STXBP5: variants seen among roughly 807,000 people sequenced by gnomAD.
STXBP5 encodes syntaxin binding protein 5, also known as syntaxin-binding protein 5.
Under a neutral mutation model 152.4 loss-of-function variants are expected in STXBP5, and 50 were observed. That is an observed-to-expected ratio of 0.33 (90% CI 0.26 to 0.42). The LOEUF is 0.42. STXBP5 is among the 10% of genes least tolerant of loss of function. The probability of loss-of-function intolerance (pLI) is 1.00; values close to 1 mark genes in which losing one functional copy is unlikely to be tolerated. For missense variants in STXBP5, 1,167 were observed against 1,388.6 expected (o/e 0.84, Z 2.54); for synonymous variants, 492 against 494.7 (o/e 0.99, Z 0.07).
rs548346749 is a variant in STXBP5 at position 147,204,574 on chromosome 6, C to T, written c.42C>T (p.Thr14=). The T allele has an allele frequency of 2.5e-6, 4 of 1,610,202 alleles. No homozygotes were observed. The highest frequency in any genetic ancestry group is 2.7e-5 in the African/African-American group (2 of 74,706). ...TCAGGAAGGTGCTGGACGGCCTGAC[C>T]GCCGGCTCGTCCTCGGCGTCGCAGC... ...FNIRKVLDGL[T]AGSSSASQQQ... Residue 14 remains threonine (T), a synonymous_variant, in exon 1 of 28, where the codon ACC becomes ACT. Coordinates refer to ENST00000321680, the MANE Select transcript of STXBP5 (RefSeq NM_001127715.4). This position sits in a 1 kb window ranked among gnomAD's most constrained non-coding sequence, Gnocchi z 4.3.
chr6:147,232,554 A>C (rs1159210092), intron 2 of STXBP5, among the ~76,000 whole-genome samples: 2 of 151,826 alleles, frequency 1.3e-5, no homozygotes, highest in African/African-American at 4.8e-5. Flanking sequence ...GCAGCTGTAT[A>C]ATAATACTGC....
chr6:147,341,554 G>T (rs1446365002), intron 21 of STXBP5, among the ~76,000 whole-genome samples: 1 of 152,134 alleles, frequency 6.6e-6, no homozygotes, highest in East Asian at 1.9e-4. Flanking sequence ...CTCCAGGGTT[G>T]CACTAGTAAA....
At chr6:147,232,162 C>T (rs1434814882) in intron 2 of STXBP5, among the ~76,000 whole-genome samples, 1 of 151,808 alleles carries the variant, frequency 6.6e-6, no homozygotes, top group Admixed American at 6.6e-5. Context: ...ATCACAGCAT[C>T]TAATGGCAGA....
chr6:147,290,281 G>T (rs1334634961), intron 8 of STXBP5, among the ~76,000 whole-genome samples: 1 of 152,048 alleles, frequency 6.6e-6, no homozygotes, highest in African/African-American at 2.4e-5. Context: ...AACAAAGAAG[G>T]TAAATATAAA....
chr6:147,344,964 A>T (rs1364515470), intron 21 of STXBP5, among the ~76,000 whole-genome samples: 1 of 152,222 alleles, frequency 6.6e-6, no homozygotes, highest in Admixed American at 6.5e-5. Context: ...GAGTTCAAGA[A>T]TGAAAAGAAC....
intron 4 of STXBP5, among the ~76,000 whole-genome samples, chr6:147,251,725 A>C (rs1779106462): frequency 6.6e-6 from 1 of 152,210 alleles, no homozygotes. Context: ...CTCCCAGCAC[A>C]GTGCTCAAGT....
intron 4 of STXBP5, among the ~76,000 whole-genome samples, chr6:147,257,881 G>T (rs980391612): frequency 1.3e-5 from 2 of 152,090 alleles, no homozygotes; most frequent in Non-Finnish European, 2.9e-5. Context: ...AACCTGGGTC[G>T]GCTCAGCAGG....
chr6:147,372,343 A>G (rs1785579854), intron 25 of STXBP5, among the ~76,000 whole-genome samples: 1 of 148,138 alleles, frequency 6.8e-6, no homozygotes, highest in African/African-American at 2.5e-5. Flanking sequence ...TATTCCAACT[A>G]TAATGATGTA....
intron 2 of STXBP5, among the ~76,000 whole-genome samples, chr6:147,231,317 C>G (rs1226851477): frequency 6.6e-6 from 1 of 151,784 alleles, no homozygotes; most frequent in African/African-American, 2.4e-5. Flanking sequence ...CATACATCTT[C>G]TCTTCATAAA....
chr6:147,208,509 T>C (rs1473556173), intron 2 of STXBP5, among the ~76,000 whole-genome samples: 1 of 152,180 alleles, frequency 6.6e-6, no homozygotes, highest in East Asian at 1.9e-4. Context: ...ATATTTTGAC[T>C]TGGATCTTTT....
intron 16 of STXBP5, among the ~76,000 whole-genome samples, chr6:147,319,348 A>G (rs1782797598): frequency 6.6e-6 from 1 of 152,160 alleles, no homozygotes; most frequent in African/African-American, 2.4e-5. Flanking sequence ...ATCTGTTAAC[A>G]AAAGTAAGTC....
chr6:147,316,212 C>T lies in STXBP5; in HGVS notation c.1624-17C>T. On this transcript the variant is annotated splice_polypyrimidine_tract_variant and intron_variant, in intron 15 of 27. Transcript: ENST00000321680. The stretch of plus-strand genomic sequence containing the variant: ...ATAATTATTAGGAGTAAGTAAACTA[C>T]CTTACTTTTACAACAGATGCTTGAA... 6.2e-7 allele frequency: 1 copy of T among 1,608,952 alleles called. No homozygotes were observed. Among genetic ancestry groups the T allele is most frequent in the Non-Finnish European group, 8.5e-7 (1 of 1,175,872 alleles).
chr6:147,282,695 A>T (rs1443466636), intron 8 of STXBP5, among the ~76,000 whole-genome samples: 3 of 152,160 alleles, frequency 2.0e-5, no homozygotes, highest in African/African-American at 7.2e-5. Context: ...TTAGGAGGGA[A>T]TAACTTCGAC....
chr6:147,238,519 A>G (rs573807372), intron 3 of STXBP5, among the ~76,000 whole-genome samples: 1 of 152,214 alleles, frequency 6.6e-6, no homozygotes, highest in East Asian at 1.9e-4. Context: ...AAACCATAGC[A>G]CTCTGGAAAT....
intron 4 of STXBP5, among the ~76,000 whole-genome samples, chr6:147,257,194 G>A (rs764160820): frequency 5.7e-4 from 86 of 150,194 alleles, no homozygotes; most frequent in Admixed American, 8.6e-4. Context: ...TCCCCTCAGT[G>A]TGCCACTAAA....
chr6:147,328,208 T>G (rs1012594924), intron 18 of STXBP5, among the ~76,000 whole-genome samples: 1 of 152,200 alleles, frequency 6.6e-6, no homozygotes, highest in Non-Finnish European at 1.5e-5. Context: ...AGATGGCATT[T>G]GATATATGGC....
chr6:147,368,750 A>T (rs1001712801), intron 25 of STXBP5, among the ~76,000 whole-genome samples: 8 of 152,092 alleles, frequency 5.3e-5, no homozygotes, highest in Admixed American at 1.3e-4. Context: ...TTTGGCAAAG[A>T]TGTAGATTAT....
rs368227170 is a variant in STXBP5, at chr6:147,235,277, T to C, written c.276T>C (p.Tyr92=). 37 of 1,613,418 alleles carry C rather than the reference T, an allele frequency of 2.3e-5. No individual in the cohort carries two copies. Among genetic ancestry groups the C allele is most frequent in the African/African-American group, 5.3e-5 (4 of 74,914 alleles). ...RLFGRPGVEC[Y]CQHDSGAAVI... is the part of the protein sequence containing the mutation. ...TTGGTCGTCCAGGAGTAGAATGTTATTGCCAGCATGACAGTGGAGCTGCAG... is the reference window on the plus strand; with the variant it reads ...TTGGTCGTCCAGGAGTAGAATGTTACTGCCAGCATGACAGTGGAGCTGCAG... The change falls in exon 3 of 28, where the codon TAT becomes TAC. Residue 92 remains tyrosine (Y), a synonymous_variant. Coordinates refer to ENST00000321680, the MANE Select transcript of STXBP5 (RefSeq NM_001127715.4).
At chr6:147,289,320 T>G (rs1196603414) in intron 8 of STXBP5, among the ~76,000 whole-genome samples, 2 of 152,222 alleles carry the variant, frequency 1.3e-5, no homozygotes, top group Non-Finnish European at 2.9e-5. Flanking sequence ...TTCATAGACA[T>G]TTAGTCTACT....
Sources: allele counts gnomAD v4.1 joint callset (sites outside exome capture counted in the v4.1 genomes callset), GRCh38; gene constraint gnomAD v4.1.1; non-coding constraint Gnocchi (gnomAD v3.1); transcripts MANE v1.5; gene names NCBI Gene and HGNC (gene_info 2026-07-23, HGNC 2026-07-21).